The following CTR9 variants were observed in gnomAD, a reference collection of about 807,000 sequenced individuals.
The protein encoded by CTR9 is RNA polymerase-associated protein CTR9 homolog.
A neutral mutation model predicts 152.1 loss-of-function variants in CTR9; 41 were observed. That is an observed-to-expected ratio of 0.27 (90% CI 0.21 to 0.35). The LOEUF (loss-of-function observed/expected upper bound fraction) is 0.35. Ranked by LOEUF, CTR9 falls within the 10% of genes least tolerant of loss-of-function variation. The pLI is 1.00. For missense variants in CTR9, 917 were observed against 1,424.4 expected (o/e 0.64, Z 5.73); for synonymous variants, 476 against 496.2 (o/e 0.96, Z 0.54).
chr11:10,755,680 C>G lies in CTR9; in HGVS notation c.387C>G (p.Asn129Lys), dbSNP rs1292952817. The change falls in exon 4 of 25, where the codon AAC (asparagine) becomes AAG (lysine). Residue 129 changes from asparagine to lysine, a missense_variant and splice_region_variant. By Grantham distance (94) the Asn-to-Lys change is moderately conservative (BLOSUM62 0). Transcript: ENST00000361367. ...TAAGATAATACATTACTTCATAGAA[C>G]CATTTGTTGGGAAGAGCCTGCTTCT... The part of the protein sequence containing the change: ...MADKIIMYDQ[N>K]HLLGRACFCL... 1 of 1,595,250 alleles carries G rather than the reference C, an allele frequency of 6.3e-7. No individual in the cohort carries two copies. Among genetic ancestry groups the G allele is most frequent in the Non-Finnish European group, 8.6e-7 (1 of 1,163,508 alleles).
At chr11:10,755,406 G>A (rs1429450904) in intron 3 of CTR9, among the ~76,000 whole-genome samples, 2 of 152,126 alleles carry the variant, frequency 1.3e-5, no homozygotes, top group African/African-American at 4.8e-5. Context: ...CATAAAACTT[G>A]CTCCAGTAAT....
intron 24 of CTR9, among the ~76,000 whole-genome samples, chr11:10,776,589 A>G (rs1863238527): frequency 6.6e-6 from 1 of 152,182 alleles, no homozygotes; most frequent in Non-Finnish European, 1.5e-5. Flanking sequence ...AGACAGTGTA[A>G]GTGCTGGGAA....
chr11:10,770,194 T>C lies in CTR9; in HGVS notation c.2110-16T>C, dbSNP rs1863120777. On this transcript the variant is annotated splice_polypyrimidine_tract_variant and intron_variant, in intron 16 of 24. Coordinates refer to ENST00000361367, the MANE Select transcript of CTR9 (RefSeq NM_014633.5). The stretch of plus-strand genomic sequence containing the variant: ...TTCTTTGTTGTGTTTTAATTAACTT[T>C]TTTCTTTTACTGTAGTATGAAAACT... The C allele has an allele frequency of 1.3e-6, 2 of 1,544,260 alleles. No homozygotes were observed. Among genetic ancestry groups the C allele is most frequent in the African/African-American group, 2.8e-5 (2 of 72,078 alleles).
chr11:10,778,181 A>AGTTAG (rs1319281145), intron 24 of CTR9, among the ~76,000 whole-genome samples: 6 of 152,114 alleles, frequency 3.9e-5, no homozygotes, highest in Non-Finnish European at 8.8e-5. Context: ...TAATGACCTC[A>AGTTAG]CTCTTCAGGT....
Position 10,775,301 on chromosome 11 carries a change from G to A in CTR9, c.2980G>A (p.Ala994Thr), listed in dbSNP as rs769801717. 5 of 1,613,460 alleles carry A rather than the reference G, an allele frequency of 3.1e-6. No individual in the cohort carries two copies. In the South Asian group the frequency reaches 5.5e-5, roughly 18 times the overall value. ...RRPPKAEKKK[A>T]PKPERLPPSM... ...TCCACCAAAAGCAGAGAAGAAAAAG[G>A]CTGTAAGTTTATAGTACTGTGTTTT... is the stretch of plus-strand genomic sequence containing the variant. The change falls in exon 23 of 25, where the codon GCT (alanine) becomes ACT (threonine). Residue 994 changes from alanine to threonine, a missense_variant and splice_region_variant. Coordinates refer to ENST00000361367, the MANE Select transcript of CTR9 (RefSeq NM_014633.5).
Position 10,763,308 on chromosome 11 carries a change from G to A in CTR9, c.850-123G>A, listed in dbSNP as rs5025113. The A allele has an allele frequency of 5.2e-3, 3,671 of 702,482 alleles. 18 individuals carry two copies. The highest frequency in any genetic ancestry group is 7.5e-3 in the Non-Finnish European group (3,000 of 400,726). 43.5% of individuals were successfully genotyped at this position (702,482 alleles called of 1,614,324 possible). A position where few individuals can be genotyped will look rare whatever the true frequency, so the allele number is the denominator to read the frequency against. ...GTTATAACTGTTATAGCACTGAAAG[G>A]CAACTATTTATGAAGAAGATGGAAA... On this transcript the variant is annotated intron_variant, in intron 7 of 24. Transcript: ENST00000361367.
At position 10,760,174 on chromosome 11, in the gene CTR9, G is replaced by A. The variant is rs754545267; in HGVS notation, c.594G>A (p.Ala198=). 79 of 1,612,574 alleles carry A rather than the reference G, an allele frequency of 4.9e-5. No homozygotes were observed. The highest frequency in any genetic ancestry group is 3.7e-4 in the Admixed American group (22 of 59,842). The part of the protein sequence containing the change: ...KALRTNPGCP[A]EVRLGMGHCF... Reference sequence around the variant, plus strand: ...AGATTGAATGACTTCATTTTATAGCGGAAGTTCGTTTAGGAATGGGTCATT... The same window carrying A: ...AGATTGAATGACTTCATTTTATAGCAGAAGTTCGTTTAGGAATGGGTCATT... Residue 198 remains alanine, a splice_region_variant and synonymous_variant, in exon 6 of 25, where the codon GCG becomes GCA. Transcript: ENST00000361367.
At chr11:10,760,869 A>C (rs914808229) in intron 6 of CTR9, among the ~76,000 whole-genome samples, 3 of 152,102 alleles carry the variant, frequency 2.0e-5, no homozygotes. Flanking sequence ...CATGTCTGTC[A>C]CCTTATAGTC....
intron 13 of CTR9, among the ~76,000 whole-genome samples, chr11:10,766,730 C>G (rs1240924895): frequency 6.6e-6 from 1 of 152,056 alleles, no homozygotes; most frequent in Non-Finnish European, 1.5e-5. Context: ...TTCCCTTCCC[C>G]CATCCCATCC....
Position 10,751,304 on chromosome 11 carries a change from C to A in CTR9, c.-109C>A. On this transcript the variant is annotated 5_prime_UTR_variant, in exon 1 of 25. Transcript: ENST00000361367. ...GAGCTCCAGCGGCGCCGCGGGGCGG[C>A]AGTCAAGACCAGAGCCGGAGCCGTC... The A allele has an allele frequency of 8.7e-7, 1 of 1,155,350 alleles. No homozygotes were observed. The highest frequency in any genetic ancestry group is 1.3e-6 in the Non-Finnish European group (1 of 783,098). 71.6% of individuals were successfully genotyped at this position (1,155,350 alleles called of 1,614,324 possible). A position where few individuals can be genotyped will look rare whatever the true frequency, so the allele number is the denominator to read the frequency against.
chr11:10,775,437 T>A (rs1863217133), intron 23 of CTR9, 84 bp from the exon 24 acceptor site: 2 of 1,370,914 alleles, frequency 1.5e-6, no homozygotes, highest in Admixed American at 3.8e-5. Context: ...GCTGTTTGAT[T>A]GTATCATTGT....
chr11:10,777,643 T>C (rs1863264019), intron 24 of CTR9, among the ~76,000 whole-genome samples: 2 of 152,160 alleles, frequency 1.3e-5, no homozygotes, highest in South Asian at 4.1e-4. Flanking sequence ...GTACCTGAGG[T>C]CAAGGCCAAG....
chr11:10,770,466 A>G (rs766791892), intron 17 of CTR9, 21 bp from the exon 18 acceptor site: 14 of 1,604,482 alleles, frequency 8.7e-6, no homozygotes, highest in Non-Finnish European at 1.2e-5. Context: ...AACATATGAA[A>G]TATTTATTTT....
intron 13 of CTR9, among the ~76,000 whole-genome samples, chr11:10,766,879 A>G (rs1348451918): frequency 6.6e-6 from 1 of 152,226 alleles, no homozygotes; most frequent in South Asian, 2.1e-4. Flanking sequence ...AACCATAGCT[A>G]TGGTCATCTA....
rs369600345 is a variant in CTR9, at chr11:10,754,974, A to G, written c.161A>G (p.Gln54Arg). 1 of 1,613,794 alleles carries G rather than the reference A, an allele frequency of 6.2e-7. No homozygotes were observed. Among genetic ancestry groups the G allele is most frequent in the Non-Finnish European group, 8.5e-7 (1 of 1,179,896 alleles). Residue 54 changes from glutamine to arginine, a missense_variant, in exon 3 of 25, where the codon CAA becomes CGA. Coordinates refer to ENST00000361367, the MANE Select transcript of CTR9 (RefSeq NM_014633.5). ...WIALALEYYKQGKTEEFVKLL... is the reference protein window; with the variant it reads ...WIALALEYYKRGKTEEFVKLL... ...ACCTTATAGCTGGAATACTACAAGC[A>G]AGGAAAAACAGAAGAGTTTGTAAAA...
rs752158640 is a variant in CTR9, at chr11:10,778,927, G to T, written c.3344G>T (p.Gly1115Val). 1 of 1,614,176 alleles carries T rather than the reference G, an allele frequency of 6.2e-7. No individual in the cohort carries two copies. The highest frequency in any genetic ancestry group is 1.1e-5 in the South Asian group (1 of 91,088). ...ESVQSGRSHSGVSENDSRPAS... is the reference protein window; with the variant it reads ...ESVQSGRSHSVVSENDSRPAS... ...GTGCAGTCAGGGAGAAGCCACTCAG[G>T]AGTTTCTGAGAACGACTCTCGCCCA... is the stretch of plus-strand genomic sequence containing the variant. The change falls in exon 25 of 25, where the codon GGA becomes GTA. Residue 1115 changes from glycine (G) to valine (V), a missense_variant. Coordinates refer to ENST00000361367, the MANE Select transcript of CTR9 (RefSeq NM_014633.5).
In CTR9 at chr11:10,764,427, G is replaced by A. The variant is rs776235845; in HGVS notation, c.1404G>A (p.Gly468=). Residue 468 remains glycine, a synonymous_variant, in exon 11 of 25, where the codon GGG becomes GGA. Transcript: ENST00000361367. ...TCCATTTTAGACTTGGAAACCTAGG[G>A]GAGGCTAAGGTAGGAAAATAGAAAT... ...GALHFRLGNL[G]EAKKYFLASL... 11 of 1,613,388 alleles carry A rather than the reference G, an allele frequency of 6.8e-6. No individual in the cohort carries two copies. Among genetic ancestry groups the A allele is most frequent in the Non-Finnish European group, 8.5e-6 (10 of 1,179,868 alleles).
chr11:10,759,109 GATAGTGTA>G (rs761134396), intron 5 of CTR9, among the ~76,000 whole-genome samples: 3 of 152,176 alleles, frequency 2.0e-5, no homozygotes, highest in Non-Finnish European at 4.4e-5. Flanking sequence ...TCAACATATA[GATAGTGTA>G]TAAAGCTGTG....
Position 10,755,034 on chromosome 11 carries a change from A to G in CTR9, c.221A>G (p.Asp74Gly). Residue 74 changes from aspartate to glycine, a missense_variant, in exon 3 of 25, where the codon GAC (aspartate) becomes GGC (glycine). Around this residue, in one of 9 missense-constraint regions of CTR9, gnomAD observed 67 missense variants for 106.9 expected, o/e 0.63. Coordinates refer to ENST00000361367, the MANE Select transcript of CTR9 (RefSeq NM_014633.5). ...LEAARIDGNL[D>G]YRDHEKDQMT... ...GCAGCACGTATAGATGGCAATTTGG[A>G]CTATAGAGACCATGAAAAAGACCAG... The G allele has an allele frequency of 6.2e-7, 1 of 1,614,098 alleles. No individual in the cohort carries two copies. The highest frequency in any genetic ancestry group is 8.5e-7 in the Non-Finnish European group (1 of 1,179,986).
Sources: gnomAD v4.1 joint callset for allele counts (sites outside exome capture counted in the v4.1 genomes callset) on GRCh38, gnomAD v4.1.1 for gene constraint, gnomAD v4.1.1 regional missense constraint, MANE v1.5 for transcripts, NCBI Gene and HGNC (gene_info 2026-07-23, HGNC 2026-07-21) for gene names.